LINGO2: variants seen among roughly 807,000 people sequenced by gnomAD.
LINGO2 encodes leucine rich repeat and Ig domain containing 2, also known as leucine-rich repeat and immunoglobulin-like domain-containing nogo receptor-interacting protein 2.
A neutral mutation model predicts 30.6 loss-of-function variants in LINGO2; 14 were observed. The observed-to-expected ratio is 0.46, with a 90% CI of 0.30 to 0.72. The LOEUF (loss-of-function observed/expected upper bound fraction) is 0.72. Among genes scored for constraint, LINGO2 ranks in the 30% least tolerant of loss-of-function variants. LINGO2 has a pLI of 0.07. For synonymous variants in LINGO2, 317 were observed against 288.5 expected, an observed-to-expected ratio of 1.10 and a Z score of -1.00; for missense variants, 729 against 751.7, an observed-to-expected ratio of 0.97 and a Z score of 0.35.
intron 2 of LINGO2, among the ~76,000 whole-genome samples, chr9:28,448,358 A>T (rs570085730): frequency 6.6e-6 from 1 of 152,198 alleles, no homozygotes; most frequent in East Asian, 1.9e-4. Context: ...GCTATAAGAC[A>T]ATTTTAGATT....
At chr9:28,267,527 G>A (rs1822795173) in intron 4 of LINGO2, among the ~76,000 whole-genome samples, 1 of 151,684 alleles carries the variant, frequency 6.6e-6, no homozygotes, top group African/African-American at 2.4e-5. Flanking sequence ...TTTCCACCTC[G>A]TTCCTGACAT....
chr9:28,279,743 T>A (rs1158301786), intron 4 of LINGO2, among the ~76,000 whole-genome samples: 1 of 152,094 alleles, frequency 6.6e-6, no homozygotes, highest in Non-Finnish European at 1.5e-5. Context: ...GGTATGTTTG[T>A]ATTGTATTCT....
At position 28,148,306 on chromosome 9, in the gene LINGO2, G is replaced by T. The variant is rs1256750565; in HGVS notation, c.-86-135901C>A. 4 of 830,194 alleles carry T rather than the reference G, an allele frequency of 4.8e-6. No individual in the cohort carries two copies. The allele number at this position is 830,194 out of a possible 1,614,324, so 51.4% of individuals were successfully genotyped here. A position where few individuals can be genotyped will look rare whatever the true frequency, so the allele number is the denominator to read the frequency against. ...CCGCCTCAAGGAAGAAACCCATGCT[G>T]TCTGCTCACAACTCCAGGATGTTTG... On this transcript the variant is annotated intron_variant, in intron 4 of 5. Transcript: ENST00000379992. This position sits in a 1 kb window ranked among gnomAD's most constrained non-coding sequence, Gnocchi z 5.1.
the LINGO2 span, among the ~76,000 whole-genome samples, chr9:28,704,586 A>AT: frequency 1.4e-4 from 21 of 149,290 alleles, no homozygotes; most frequent in East Asian, 8.0e-4. Flanking sequence ...GGTATTCTGT[A>AT]TTTTTTTTTC....
intron 5 of LINGO2, among the ~76,000 whole-genome samples, chr9:27,989,954 A>C (rs747098867): frequency 6.6e-6 from 1 of 152,022 alleles, no homozygotes; most frequent in Non-Finnish European, 1.5e-5. Context: ...AGAGAAGAGA[A>C]GAGAGGAGGA....
the LINGO2 span, among the ~76,000 whole-genome samples, chr9:29,206,291 T>A: frequency 1.3e-5 from 2 of 152,304 alleles, no homozygotes; most frequent in East Asian, 3.9e-4. Context: ...TTATGAGCAT[T>A]TGTAATTTAA....
chr9:28,135,486 T>C (rs1827492176), intron 4 of LINGO2, among the ~76,000 whole-genome samples: 1 of 151,668 alleles, frequency 6.6e-6, no homozygotes, highest in Non-Finnish European at 1.5e-5. Flanking sequence ...GTTTTATTTA[T>C]AAAACCTGTT....
At chr9:28,956,896 CTT>C in the LINGO2 span, among the ~76,000 whole-genome samples, 10 of 151,256 alleles carry the variant, frequency 6.6e-5, no homozygotes, top group Admixed American at 6.6e-4. Context: ...CACAGAATTT[CTT>C]TCTCTTTTTC....
chr9:27,983,959 G>A (rs1387631468), intron 5 of LINGO2, among the ~76,000 whole-genome samples: 1 of 151,850 alleles, frequency 6.6e-6, no homozygotes, highest in Admixed American at 6.6e-5. Context: ...CAGTTCCAGG[G>A]CTGTGCAGTG....
chr9:28,149,306 G>C, intron 4 of LINGO2: 1 of 572,682 alleles, frequency 1.7e-6, no homozygotes, highest in South Asian at 2.1e-5. Flanking sequence ...GAGCATCTCT[G>C]CCTGCACCAT....
chr9:27,965,725 A>C (rs1820069563), intron 5 of LINGO2, among the ~76,000 whole-genome samples: 1 of 152,090 alleles, frequency 6.6e-6, no homozygotes, highest in Non-Finnish European at 1.5e-5. Context: ...ACATAGAAAT[A>C]CTTGGACATA....
chr9:28,722,225 TCAAA>T, the LINGO2 span, among the ~76,000 whole-genome samples: 1 of 152,230 alleles, frequency 6.6e-6, no homozygotes, highest in South Asian at 2.1e-4. Flanking sequence ...CTATTTATAG[TCAAA>T]CAAAGTGTAC....
chr9:27,956,887 G>A (rs1203873676), intron 5 of LINGO2, among the ~76,000 whole-genome samples: 1 of 152,080 alleles, frequency 6.6e-6, no homozygotes, highest in Non-Finnish European at 1.5e-5. Context: ...GAAGCCATGA[G>A]TTTGAGATCA....
chr9:28,002,356 A>T (rs1385446577), intron 5 of LINGO2, among the ~76,000 whole-genome samples: 1 of 152,144 alleles, frequency 6.6e-6, no homozygotes, highest in Non-Finnish European at 1.5e-5. Context: ...GTTCTAAATT[A>T]GAAAGTACCA....
chr9:28,841,435 C>A, the LINGO2 span, among the ~76,000 whole-genome samples: 1 of 151,942 alleles, frequency 6.6e-6, no homozygotes, highest in Non-Finnish European at 1.5e-5. Flanking sequence ...CTCATCCATT[C>A]ATTCTACAAA....
At chr9:29,036,979 T>C in the LINGO2 span, among the ~76,000 whole-genome samples, 1 of 151,968 alleles carries the variant, frequency 6.6e-6, no homozygotes, top group Non-Finnish European at 1.5e-5. Context: ...ATAATTTATG[T>C]TAGGATGAAA....
rs552759753 is a variant in LINGO2, at chr9:28,192,755, C to T, written c.-87+102453G>A. On this transcript the variant is annotated intron_variant, in intron 4 of 5. Coordinates refer to ENST00000379992, the Ensembl canonical transcript of LINGO2. The stretch of plus-strand genomic sequence containing the variant: ...TTTATTTCTGATTAATCAGTTTATC[C>T]GAGTGGCCAATCTGGGTTCTCTTTG... Among the ~76,000 whole-genome samples, 405 of 152,082 alleles carry T rather than the reference C, an allele frequency of 2.7e-3. 1 individual carries two copies. The highest frequency in any genetic ancestry group is 4.1e-3 in the Non-Finnish European group (281 of 67,986).
the LINGO2 span, among the ~76,000 whole-genome samples, chr9:28,826,220 T>C: frequency 6.6e-6 from 1 of 152,160 alleles, no homozygotes; most frequent in Non-Finnish European, 1.5e-5. Flanking sequence ...TTAGGAATGA[T>C]TTCTCTTCAT....
chr9:28,059,503 G>T (rs1241551945), intron 4 of LINGO2, among the ~76,000 whole-genome samples: 2 of 152,014 alleles, frequency 1.3e-5, no homozygotes. Flanking sequence ...GCCTTCCCTT[G>T]CCAAAAAGGT....
Sources: gnomAD v4.1 joint callset for allele counts (sites outside exome capture counted in the v4.1 genomes callset) on GRCh38, gnomAD v4.1.1 for gene constraint, Gnocchi (gnomAD v3.1) non-coding constraint, MANE v1.5 for transcripts, NCBI Gene and HGNC (gene_info 2026-07-23, HGNC 2026-07-21) for gene names.